The following DIAPH2 variants were observed in gnomAD, a reference collection of about 807,000 sequenced individuals.
DIAPH2 encodes the protein diaphanous related formin 2.
In DIAPH2, 35 loss-of-function variants were observed where a neutral mutation model predicts 92.7. That is an observed-to-expected ratio of 0.38 (90% confidence interval 0.29 to 0.50). The LOEUF is 0.50. DIAPH2 is among the 20% of genes least tolerant of loss of function. The probability of loss-of-function intolerance (pLI) is 0.94; values close to 1 mark genes in which losing one functional copy is unlikely to be tolerated. For missense variants in DIAPH2, 701 were observed against 819.5 expected (o/e 0.86, Z 1.77); for synonymous variants, 301 against 280.4 (o/e 1.07, Z -0.73).
chrX:96,912,622 T>C, intron 7 of DIAPH2, 70 bp downstream of exon 7: 1 of 1,039,934 alleles, frequency 9.6e-7, no homozygotes, highest in Non-Finnish European at 1.2e-6. Flanking sequence ...AAGTATGAAA[T>C]GAACAAAATA....
chrX:97,586,139 C>T (rs1029659427), intron 26 of DIAPH2, among the ~76,000 whole-genome samples: 5 of 111,877 alleles, frequency 4.5e-5, no homozygotes, highest in African/African-American at 1.6e-4. Context: ...TCACTCTTTT[C>T]AGGCCTCTCC....
intron 21 of DIAPH2, among the ~76,000 whole-genome samples, chrX:97,131,138 A>G (rs1177358160): frequency 9.0e-6 from 1 of 110,943 alleles, no homozygotes; most frequent in Non-Finnish European, 1.9e-5. Flanking sequence ...AAGTGTTCAC[A>G]GCAGCATTAT....
intron 19 of DIAPH2, among the ~76,000 whole-genome samples, chrX:97,096,022 A>G (rs1490292881): frequency 1.8e-5 from 2 of 112,207 alleles, no homozygotes; most frequent in African/African-American, 6.5e-5. Context: ...AAATATGCAC[A>G]GTAGTAAGCA....
intron 5 of DIAPH2, chrX:96,885,354 A>C (rs1184416555): frequency 1.5e-5 from 4 of 265,997 alleles, no homozygotes; most frequent in Non-Finnish European, 2.7e-5. Flanking sequence ...CGGGGAAGAA[A>C]AACTACAGAA....
chrX:97,291,750 C>G (rs1481123106), intron 23 of DIAPH2, among the ~76,000 whole-genome samples: 6 of 110,714 alleles, frequency 5.4e-5, no homozygotes, highest in African/African-American at 1.6e-4. Context: ...GTTGGTCAGG[C>G]TGGTCTCGAA....
intron 26 of DIAPH2, among the ~76,000 whole-genome samples, chrX:97,590,152 G>T (rs942323184): frequency 8.9e-6 from 1 of 111,856 alleles, no homozygotes. Context: ...ATCATAGGCA[G>T]TGGTATATTT....
chrX:97,336,451 A>G (rs1357438712), intron 23 of DIAPH2, among the ~76,000 whole-genome samples: 1 of 107,413 alleles, frequency 9.3e-6, no homozygotes. Flanking sequence ...GGGTTTCACC[A>G]TGTTAGCCAG....
intron 17 of DIAPH2, among the ~76,000 whole-genome samples, chrX:96,999,848 A>G (rs1478539006): frequency 4.5e-5 from 5 of 111,062 alleles, no homozygotes; most frequent in South Asian, 3.8e-4. Context: ...TTTTTTTCCC[A>G]TGCTGTTCTC....
chrX:97,116,844 G>T (rs1226529511), intron 21 of DIAPH2, among the ~76,000 whole-genome samples: 1 of 111,281 alleles, frequency 9.0e-6, no homozygotes, highest in Admixed American at 9.6e-5. Context: ...AGGAACAAAA[G>T]GTTACGTTAA....
At position 96,891,028 on chromosome X, in the gene DIAPH2, G is replaced by A. The variant is rs7886168; in HGVS notation, c.587+9310G>A. Among the ~76,000 whole-genome samples the A allele has an allele frequency of 5.5e-3, 610 of 111,133 alleles. 4 individuals are homozygous for A. Among genetic ancestry groups the A allele is most frequent in the African/African-American group, 0.02 (598 of 30,554 alleles). On this transcript the variant is annotated intron_variant, in intron 5 of 26. Transcript: ENST00000324765. ...ACCCTCTTACCCTCTTATTTGTCTC[G>A]TGGTGGCTGGTACTGTGTAATTTAT...
chrX:96,906,089 A>G (rs1418995265), intron 5 of DIAPH2, among the ~76,000 whole-genome samples: 2 of 112,663 alleles, frequency 1.8e-5, no homozygotes, highest in Non-Finnish European at 3.8e-5. Context: ...AGATGGTGCC[A>G]CTGCACTCCA....
intron 23 of DIAPH2, among the ~76,000 whole-genome samples, chrX:97,293,371 G>A (rs190793183): frequency 3.3e-4 from 34 of 104,245 alleles, no homozygotes; most frequent in African/African-American, 8.5e-4. Flanking sequence ...TCCTGCCTCA[G>A]CCTCCCGAGT....
At chrX:96,873,638 G>GTA (rs201725902) in intron 4 of DIAPH2, among the ~76,000 whole-genome samples, 48 of 74,826 alleles carry the variant, frequency 6.4e-4, no homozygotes, top group Middle Eastern at 0.013. Flanking sequence ...ATAGAAATGC[G>GTA]TATATATATA....
intron 17 of DIAPH2, among the ~76,000 whole-genome samples, chrX:97,034,394 AT>A (rs748691936): frequency 1.8e-5 from 2 of 109,959 alleles, no homozygotes; most frequent in South Asian, 3.9e-4. Context: ...TACAGAACAG[AT>A]TTTTTTTAAT....
At chrX:96,719,921 C>T (rs1163102694) in intron 1 of DIAPH2, among the ~76,000 whole-genome samples, 5 of 111,632 alleles carry the variant, frequency 4.5e-5, no homozygotes, top group African/African-American at 1.3e-4. Flanking sequence ...TTAAAGTGAT[C>T]GGGATTTTTA....
intron 24 of DIAPH2, among the ~76,000 whole-genome samples, chrX:97,377,706 C>T (rs896219662): frequency 2.7e-5 from 3 of 111,385 alleles, no homozygotes; most frequent in African/African-American, 9.8e-5. Flanking sequence ...TGCTGTTTTA[C>T]TTAGAAAGTT....
In DIAPH2 at chrX:97,476,984, T is replaced by TACACAC. The variant is rs1190615516; in HGVS notation, c.3241+47275_3241+47280dup. Among the ~76,000 whole-genome samples the TACACAC allele has an allele frequency of 6.2e-3, 353 of 57,054 alleles. 3 individuals are homozygous for TACACAC. Among genetic ancestry groups the TACACAC allele is most frequent in the African/African-American group, 0.027 (320 of 11,644 alleles). The allele number at this position is 57,054 out of a possible 115,157, so 49.5% of individuals were successfully genotyped here. A position where few individuals can be genotyped will look rare whatever the true frequency, so the allele number is the denominator to read the frequency against. On this transcript the variant is annotated intron_variant, in intron 26 of 26. Coordinates refer to ENST00000324765, the MANE Select transcript of DIAPH2 (RefSeq NM_006729.5). ...AAAAAAAAAAATATATATATATATATACACACACACACACACACACACACA... is the reference window on the plus strand; with the variant it reads ...AAAAAAAAAAATATATATATATATATACACACACACACACACACACACACACACACA...
At chrX:96,905,729 C>T (rs1040081302) in intron 5 of DIAPH2, among the ~76,000 whole-genome samples, 30 of 111,882 alleles carry the variant, frequency 2.7e-4, no homozygotes, top group Non-Finnish European at 3.4e-4. Context: ...ACTAAAAATT[C>T]TCTCCCCCTC....
At chrX:96,842,980 T>C (rs766092146) in intron 4 of DIAPH2, among the ~76,000 whole-genome samples, 5 of 111,584 alleles carry the variant, frequency 4.5e-5, no homozygotes, top group Non-Finnish European at 9.4e-5. Context: ...TTTGGGAAGG[T>C]TATTATTGGT....
Sources: gnomAD v4.1 joint callset for allele counts (sites outside exome capture counted in the v4.1 genomes callset) on GRCh38, gnomAD v4.1.1 for gene constraint, MANE v1.5 for transcripts, NCBI Gene and HGNC (gene_info 2026-07-23, HGNC 2026-07-21) for gene names.